Variants in CHD9 observed in about 807,000 individuals in gnomAD.
The protein encoded by CHD9 is ATP-dependent chromatin remodeler CHD9.
In CHD9, 77 loss-of-function variants were observed where a neutral mutation model predicts 316.1. That is an observed-to-expected ratio of 0.24 (90% confidence interval 0.20 to 0.29). The LOEUF is 0.29. Among genes scored for constraint, CHD9 ranks in the 10% least tolerant of loss-of-function variants. CHD9 has a pLI of 1.00. For synonymous variants in CHD9, 1,129 were observed against 1,158.3 expected (o/e 0.97, Z 0.51); for missense variants, 2,763 against 3,438.1 (o/e 0.80, Z 4.91).
intron 1 of CHD9, among the ~76,000 whole-genome samples, chr16:53,068,179 T>G (rs1345846550): frequency 6.6e-6 from 1 of 152,182 alleles, no homozygotes; most frequent in Non-Finnish European, 1.5e-5. Flanking sequence ...TTTTCTCAGC[T>G]GAAATATAGA....
chr16:53,226,385 A>G lies in CHD9; in HGVS notation c.1916A>G (p.Gln639Arg). 5 of 1,571,528 alleles carry G rather than the reference A, an allele frequency of 3.2e-6. No homozygotes were observed. Among genetic ancestry groups the G allele is most frequent in the Non-Finnish European group, 4.3e-6 (5 of 1,161,988 alleles). ...TTACAGAAAAGAAGATCAAATCGAC[A>G]AATTAAAAGAAAAAAATACGCAGAA... ...QDSQKRRSNR[Q>R]IKRKKYAEDI... Residue 639 changes from glutamine (Q) to arginine (R), a missense_variant, in exon 5 of 39, where the codon CAA becomes CGA. Physicochemically the swap from Gln to Arg is conservative, Grantham distance 43 (BLOSUM62 1). Coordinates refer to ENST00000447540, the MANE Select transcript of CHD9 (RefSeq NM_001308319.2).
intron 1 of CHD9, among the ~76,000 whole-genome samples, chr16:53,100,696 G>A (rs557712581): frequency 6.6e-6 from 1 of 152,286 alleles, no homozygotes; most frequent in East Asian, 1.9e-4. Context: ...CTGGGCTCAA[G>A]CAATCCACCC....
chr16:53,285,668 T>C lies in CHD9; in HGVS notation c.5040T>C (p.Asp1680=), dbSNP rs754547582. The C allele has an allele frequency of 1.3e-5, 21 of 1,608,996 alleles. 1 individual carries two copies. In the South Asian group the frequency reaches 1.9e-4, roughly 14 times the overall value. ...CTGAGTGGTGGGATTTTGATGCTGA[T>C]AAGTCACTCCTTATTGGAGTTTTTA... The part of the protein sequence containing the change: ...VPAEWWDFDA[D]KSLLIGVFKH... Residue 1680 remains aspartate, a synonymous_variant, in exon 25 of 39, where the codon GAT becomes GAC. Transcript: ENST00000447540.
At chr16:53,312,598 C>G (rs1005329065) in intron 34 of CHD9, among the ~76,000 whole-genome samples, 24 of 150,494 alleles carry the variant, frequency 1.6e-4, no homozygotes, top group Admixed American at 8.6e-4. Context: ...ATGTGTAGAT[C>G]AAATCTTGCT....
chr16:53,250,147 T>G (rs2050005066), intron 17 of CHD9, 81 bp downstream of exon 17: 3 of 892,342 alleles, frequency 3.4e-6, no homozygotes, highest in East Asian at 5.0e-5. Flanking sequence ...CCACATCTTT[T>G]ATTTTTATCT....
intron 1 of CHD9, among the ~76,000 whole-genome samples, chr16:53,110,903 G>A (rs1295681071): frequency 1.3e-5 from 2 of 152,212 alleles, no homozygotes; most frequent in African/African-American, 4.8e-5. Context: ...GGTGCAGCAT[G>A]GAACATGATA....
At chr16:53,259,539 T>G (rs1357423062) in intron 19 of CHD9, among the ~76,000 whole-genome samples, 1 of 152,136 alleles carries the variant, frequency 6.6e-6, no homozygotes, top group Non-Finnish European at 1.5e-5. Context: ...TTGAGACAGA[T>G]CTCACTCTGT....
Position 53,325,548 on chromosome 16 carries a change from T to A in CHD9, c.*653T>A, listed in dbSNP as rs1307812253. Reference sequence around the variant, plus strand: ...TCTATACTTGTTTTCAGGGGTTTTTTAAACACATCCTATATATCATGTCAA... The same window carrying A: ...TCTATACTTGTTTTCAGGGGTTTTTAAAACACATCCTATATATCATGTCAA... On this transcript the variant is annotated 3_prime_UTR_variant, in exon 39 of 39. Coordinates refer to ENST00000447540, the MANE Select transcript of CHD9 (RefSeq NM_001308319.2). The A allele has an allele frequency of 2.0e-5, 3 of 152,620 alleles. No homozygotes were observed. The highest frequency in any genetic ancestry group is 1.9e-4 in the East Asian group (1 of 5,200). The allele number at this position is 152,620 out of a possible 1,614,324, so 9.5% of individuals were successfully genotyped here.
intron 2 of CHD9, among the ~76,000 whole-genome samples, chr16:53,200,813 A>C (rs1285731327): frequency 6.6e-6 from 1 of 152,204 alleles, no homozygotes; most frequent in Non-Finnish European, 1.5e-5. Flanking sequence ...CAAGTAACCA[A>C]GGGTAACATC....
At chr16:53,112,443 CT>C (rs1415391264) in intron 1 of CHD9, among the ~76,000 whole-genome samples, 1 of 152,190 alleles carries the variant, frequency 6.6e-6, no homozygotes, top group East Asian at 1.9e-4. Flanking sequence ...AAGGAAATTA[CT>C]TTCCCTGTTT....
At chr16:53,226,119 A>G (rs1413576394) in intron 4 of CHD9, among the ~76,000 whole-genome samples, 2 of 152,112 alleles carry the variant, frequency 1.3e-5, no homozygotes, top group Non-Finnish European at 2.9e-5. Context: ...CCAAATTAAC[A>G]TAATAAAAGT....
chr16:53,146,223 TAAAA>T (rs776269746), intron 1 of CHD9, among the ~76,000 whole-genome samples: 1 of 97,986 alleles, frequency 1.0e-5, no homozygotes, highest in Non-Finnish European at 2.0e-5. Context: ...CCGTCTCTAC[TAAAA>T]AAAAAAAAAA....
At chr16:53,078,247 G>T (rs2034721071) in intron 1 of CHD9, among the ~76,000 whole-genome samples, 1 of 152,164 alleles carries the variant, frequency 6.6e-6, no homozygotes, top group African/African-American at 2.4e-5. Flanking sequence ...TTGCCATTGT[G>T]ACAGTATTAT....
chr16:53,222,825 T>G (rs1158177778), intron 4 of CHD9, 70 bp downstream of exon 4: 2 of 728,082 alleles, frequency 2.7e-6, no homozygotes, highest in Non-Finnish European at 4.6e-6. Flanking sequence ...TATTGCCTTA[T>G]AGATATTTAC....
chr16:53,245,374 T>C lies in CHD9; in HGVS notation c.3093T>C (p.Asn1031=). The change falls in exon 14 of 39, where the codon AAT becomes AAC. Residue 1031 remains asparagine (N), a synonymous_variant. Transcript: ENST00000447540. This position sits in a 1 kb window ranked among gnomAD's most constrained non-coding sequence, Gnocchi z 4.1. ...KVLLTGTPLQ[N]TVEELFSLLH... ...TTTTGACTGGCACCCCTCTCCAAAA[T>C]ACAGTTGAAGAACTATTTAGTCTTC... 1 of 1,572,736 alleles carries C rather than the reference T, an allele frequency of 6.4e-7. No homozygotes were observed. The highest frequency in any genetic ancestry group is 2.3e-5 in the East Asian group (1 of 43,768).
At chr16:53,201,506 G>A (rs1380442577) in intron 2 of CHD9, among the ~76,000 whole-genome samples, 4 of 152,092 alleles carry the variant, frequency 2.6e-5, no homozygotes, top group East Asian at 3.9e-4. Flanking sequence ...CTATAACACC[G>A]TTGATAATCT....
At chr16:53,241,472 A>AGC (rs1371087754) in intron 12 of CHD9, among the ~76,000 whole-genome samples, 3 of 152,102 alleles carry the variant, frequency 2.0e-5, no homozygotes, top group Non-Finnish European at 4.4e-5. Flanking sequence ...CCAAGTGTAA[A>AGC]CTCTTTCCTA....
chr16:53,124,387 C>T (rs2152662696), intron 1 of CHD9, among the ~76,000 whole-genome samples: 1 of 150,912 alleles, frequency 6.6e-6, no homozygotes, highest in South Asian at 2.1e-4. Context: ...AAAGTCACAT[C>T]TTACATGGTG....
chr16:53,302,215 T>C (rs1168600635), intron 30 of CHD9, among the ~76,000 whole-genome samples: 1 of 152,222 alleles, frequency 6.6e-6, no homozygotes, highest in East Asian at 1.9e-4. Flanking sequence ...GATCCTACAA[T>C]GTATTTGGTT....
Sources: allele counts gnomAD v4.1 joint callset (sites outside exome capture counted in the v4.1 genomes callset), GRCh38; gene constraint gnomAD v4.1.1; non-coding constraint Gnocchi (gnomAD v3.1); transcripts MANE v1.5; gene names NCBI Gene and HGNC (gene_info 2026-07-23, HGNC 2026-07-21).